The following AGAP1 variants were observed in gnomAD, a reference collection of about 807,000 sequenced individuals.
AGAP1 encodes arf-GAP with GTPase, ANK repeat and PH domain-containing protein 1.
AGAP1 carries 29 observed loss-of-function variants against 105.3 expected under a neutral mutation model. The ratio of observed to expected loss-of-function variants is 0.28; its 90% CI spans 0.21 to 0.38. The LOEUF is 0.38. Ranked by LOEUF, AGAP1 falls within the 10% of genes least tolerant of loss-of-function variation. AGAP1 has a pLI of 1.00. For missense variants in AGAP1, 998 were observed against 1,165.1 expected (o/e 0.86, Z 2.09); for synonymous variants, 509 against 485.9 (o/e 1.05, Z -0.63).
chr2:235,783,022 TTG>T (rs112987473), intron 6 of AGAP1, among the ~76,000 whole-genome samples: 3 of 141,288 alleles, frequency 2.1e-5, no homozygotes, highest in South Asian at 2.2e-4. Context: ...CGGCAGGAGA[TTG>T]TGTGTGTGTG....
chr2:236,076,176 G>A lies in AGAP1; in HGVS notation c.2114+26895G>A, dbSNP rs946518988. Among the ~76,000 whole-genome samples the A allele has an allele frequency of 6.6e-6, 1 of 152,180 alleles. No homozygotes were observed. The highest frequency in any genetic ancestry group is 2.4e-5 in the African/African-American group (1 of 41,456). The stretch of plus-strand genomic sequence containing the variant: ...GTTTTTTAAAGTCTTGAGGCGGGGC[G>A]CCGTGGCTCATGCCTGTAATCCCAG... On this transcript the variant is annotated intron_variant, in intron 16 of 17. Coordinates refer to ENST00000304032, the MANE Select transcript of AGAP1 (RefSeq NM_001037131.3). This position sits in a 1 kb window ranked among gnomAD's most constrained non-coding sequence, Gnocchi z 4.4.
chr2:235,569,429 C>T lies in AGAP1; in HGVS notation c.163+74580C>T, dbSNP rs941851224. ...CCTAGCAGCCTTCCAAAGTAGGCTT[C>T]GGGATTCAGTTTTACAGATAGGGAA... is the stretch of plus-strand genomic sequence containing the variant. On this transcript the variant is annotated intron_variant, in intron 1 of 17. Transcript: ENST00000304032. The surrounding 1 kb of genome is among the most constrained non-coding windows in gnomAD (Gnocchi z 5.9). Among the ~76,000 whole-genome samples, 3 of 152,162 alleles carry T rather than the reference C, an allele frequency of 2.0e-5. No individual in the cohort carries two copies. The highest frequency in any genetic ancestry group is 6.5e-5 in the Admixed American group (1 of 15,268).
rs1177960944 is a variant in AGAP1, at chr2:236,062,507, ACT to A, written c.2114+13229_2114+13230del. 6.6e-6 allele frequency among the ~76,000 whole-genome samples: 1 copy of A among 151,044 alleles called. No individual in the cohort carries two copies. ...GTATTTTTTTTAGAAACAGAATCTC[ACT>A]CTATCACACAGGCTTGAATGCAGTG... On this transcript the variant is annotated intron_variant, in intron 16 of 17. Coordinates refer to ENST00000304032, the MANE Select transcript of AGAP1 (RefSeq NM_001037131.3). The surrounding 1 kb of genome is among the most constrained non-coding windows in gnomAD (Gnocchi z 4.2).
intron 6 of AGAP1, among the ~76,000 whole-genome samples, chr2:235,766,535 G>A (rs1381584116): frequency 6.6e-6 from 1 of 152,192 alleles, no homozygotes; most frequent in Non-Finnish European, 1.5e-5. Context: ...TCCGTAAAGC[G>A]TGTGAAGTTA....
chr2:235,709,138 G>A lies in AGAP1; in HGVS notation c.164-41G>A, dbSNP rs115680140. The A allele has an allele frequency of 3.3e-3, 5,270 of 1,607,780 alleles. 176 individuals carry two copies. The African/African-American group carries it at 0.062, about 19-fold the overall frequency. On this transcript the variant is annotated intron_variant, in intron 1 of 17. Coordinates refer to ENST00000304032, the MANE Select transcript of AGAP1 (RefSeq NM_001037131.3). ...GGAGGCATTTTGACTTGGCCTTTAC[G>A]TGAGTTATGGTGTCTGACTTTGTGT... is the stretch of plus-strand genomic sequence containing the variant.
chr2:235,857,130 C>T (rs962631018), intron 9 of AGAP1, among the ~76,000 whole-genome samples: 3 of 152,124 alleles, frequency 2.0e-5, no homozygotes, highest in Non-Finnish European at 4.4e-5. Context: ...TGTTAGGAAC[C>T]GGGCCACACA....
At chr2:235,774,520 T>G in intron 6 of AGAP1, 1 of 334,080 alleles carries the variant, frequency 3.0e-6, no homozygotes, top group Non-Finnish European at 6.2e-6. Context: ...TGTAGTAGCC[T>G]AAAAATTGCT....
chr2:235,815,170 C>T (rs1166909940), intron 9 of AGAP1, among the ~76,000 whole-genome samples: 2 of 152,184 alleles, frequency 1.3e-5, no homozygotes, highest in Non-Finnish European at 2.9e-5. Flanking sequence ...CCAGCAGCCC[C>T]ACACAGCGCA....
In AGAP1 at chr2:236,061,645, C is replaced by T. The variant is rs368616279; in HGVS notation, c.2114+12364C>T. 1.3e-5 allele frequency among the ~76,000 whole-genome samples: 2 copies of T among 152,114 alleles called. No individual in the cohort carries two copies. The highest frequency in any genetic ancestry group is 1.9e-4 in the East Asian group (1 of 5,186). ...CATTCCATCTGTCTGATGGCGAAAA[C>T]AGGCACCTCCATAGTAATGCAAAGT... is the stretch of plus-strand genomic sequence containing the variant. On this transcript the variant is annotated intron_variant, in intron 16 of 17. Coordinates refer to ENST00000304032, the MANE Select transcript of AGAP1 (RefSeq NM_001037131.3). The surrounding 1 kb of genome is among the most constrained non-coding windows in gnomAD (Gnocchi z 4.1).
rs1167143689 is a variant in AGAP1, at chr2:236,114,143, G to A, written c.2115-6049G>A. ...TTTAGCTCATTAGCTAACGGAGGCT[G>A]TGAACGGTGATCCTCCCGGGGATTG... On this transcript the variant is annotated intron_variant, in intron 16 of 17. Transcript: ENST00000304032. This position sits in a 1 kb window ranked among gnomAD's most constrained non-coding sequence, Gnocchi z 5.0. Among the ~76,000 whole-genome samples, 1 of 152,120 alleles carries A rather than the reference G, an allele frequency of 6.6e-6. No homozygotes were observed. The highest frequency in any genetic ancestry group is 1.9e-4 in the East Asian group (1 of 5,166).
chr2:235,562,798 T>A (rs1188752720), intron 1 of AGAP1, among the ~76,000 whole-genome samples: 1 of 152,196 alleles, frequency 6.6e-6, no homozygotes, highest in Admixed American at 6.5e-5. Context: ...GGCTCATGCC[T>A]GTAATCTCAG....
chr2:235,861,215 G>GT (rs757296749), intron 9 of AGAP1, among the ~76,000 whole-genome samples: 6 of 152,178 alleles, frequency 3.9e-5, no homozygotes, highest in East Asian at 1.9e-4. Flanking sequence ...CATTTGAGTA[G>GT]TTTTTTTAAA....
At position 236,083,432 on chromosome 2, in the gene AGAP1, A is replaced by G. The variant is rs904783440; in HGVS notation, c.2114+34151A>G. On this transcript the variant is annotated intron_variant, in intron 16 of 17. Coordinates refer to ENST00000304032, the MANE Select transcript of AGAP1 (RefSeq NM_001037131.3). This position sits in a 1 kb window ranked among gnomAD's most constrained non-coding sequence, Gnocchi z 5.3. ...TTTCATTTTATTATAAGGAAGAGACATTTTTGGTATAAGCCCATCAAAGTT... is the reference window on the plus strand; with the variant it reads ...TTTCATTTTATTATAAGGAAGAGACGTTTTTGGTATAAGCCCATCAAAGTT... 6.6e-6 allele frequency among the ~76,000 whole-genome samples: 1 copy of G among 152,204 alleles called. No homozygotes were observed. Among genetic ancestry groups the G allele is most frequent in the Non-Finnish European group, 1.5e-5 (1 of 68,034 alleles).
intron 1 of AGAP1, among the ~76,000 whole-genome samples, chr2:235,575,558 C>T (rs181336008): frequency 6.6e-6 from 1 of 151,362 alleles, no homozygotes; most frequent in African/African-American, 2.4e-5. Context: ...CCCGTTTGTC[C>T]TGTTGCTCTG....
intron 9 of AGAP1, among the ~76,000 whole-genome samples, chr2:235,828,461 C>T (rs560453913): frequency 1.3e-5 from 2 of 152,332 alleles, no homozygotes; most frequent in African/African-American, 2.4e-5. Context: ...CAATGTCACT[C>T]AGCCTGGGAG....
chr2:236,000,577 G>C lies in AGAP1; in HGVS notation c.1645+31954G>C, dbSNP rs2056075910. ...GGCCATGGCGCACCTGCTCTGTGCA[G>C]AGGCTGGGCGAACACCAGCCCGAGC... On this transcript the variant is annotated intron_variant, in intron 13 of 17. Transcript: ENST00000304032. The surrounding 1 kb of genome is among the most constrained non-coding windows in gnomAD (Gnocchi z 4.3). Among the ~76,000 whole-genome samples, 2 of 152,164 alleles carry C rather than the reference G, an allele frequency of 1.3e-5. No homozygotes were observed. The highest frequency in any genetic ancestry group is 4.1e-4 in the South Asian group (2 of 4,830).
rs1183258637 is a variant in AGAP1 at position 235,729,982 on chromosome 2, A to G, written c.311-10981A>G. On this transcript the variant is annotated intron_variant, in intron 3 of 17. Coordinates refer to ENST00000304032, the MANE Select transcript of AGAP1 (RefSeq NM_001037131.3). The surrounding 1 kb of genome is among the most constrained non-coding windows in gnomAD (Gnocchi z 5.0). ...CTACCCTACAGTATGGAAAAAAGGCATAGAACAGTCAAATCACGTAGGATT... is the reference window on the plus strand; with the variant it reads ...CTACCCTACAGTATGGAAAAAAGGCGTAGAACAGTCAAATCACGTAGGATT... 6.6e-6 allele frequency among the ~76,000 whole-genome samples: 1 copy of G among 152,142 alleles called. No individual in the cohort carries two copies. Among genetic ancestry groups the G allele is most frequent in the African/African-American group, 2.4e-5 (1 of 41,388 alleles).
At chr2:236,065,964 G>T (rs934906570) in intron 16 of AGAP1, among the ~76,000 whole-genome samples, 13 of 152,242 alleles carry the variant, frequency 8.5e-5, no homozygotes, top group Non-Finnish European at 1.9e-4. Flanking sequence ...TGATGGCCAG[G>T]GTGGCACTGT....
chr2:235,759,869 A>T (rs1307119331), intron 6 of AGAP1, among the ~76,000 whole-genome samples: 1 of 152,222 alleles, frequency 6.6e-6, no homozygotes, highest in Non-Finnish European at 1.5e-5. Flanking sequence ...ACCAAAACTA[A>T]AATAAAGCTT....
Sources: gnomAD v4.1 joint callset for allele counts (sites outside exome capture counted in the v4.1 genomes callset) on GRCh38, gnomAD v4.1.1 for gene constraint, Gnocchi (gnomAD v3.1) non-coding constraint, MANE v1.5 for transcripts, NCBI Gene and HGNC (gene_info 2026-07-23, HGNC 2026-07-21) for gene names.